The following ADAM12 variants were observed in gnomAD, a reference collection of about 807,000 sequenced individuals.
ADAM12 encodes the protein disintegrin and metalloproteinase domain-containing protein 12.
In ADAM12, 70 loss-of-function variants were observed where a neutral mutation model predicts 106.4. The ratio of observed to expected loss-of-function variants is 0.66; its 90% CI spans 0.54 to 0.80. The LOEUF (loss-of-function observed/expected upper bound fraction) is 0.80, where lower values mean the gene tolerates loss of function less well. Ranked by LOEUF, ADAM12 falls within the 30% of genes least tolerant of loss-of-function variation. ADAM12 has a pLI of 0.00. For synonymous variants in ADAM12, 420 were observed against 433.5 expected (o/e 0.97, Z 0.39); for missense variants, 1,010 against 1,171.9 (o/e 0.86, Z 2.02).
Position 126,168,427 on chromosome 10 carries a change from ACAGGGAC to A in ADAM12, c.261-13129_261-13123del, listed in dbSNP as rs1248122275. Among the ~76,000 whole-genome samples the A allele has an allele frequency of 2.6e-5, 4 of 152,310 alleles. 1 individual carries two copies. The highest frequency in any genetic ancestry group is 7.2e-5 in the African/African-American group (3 of 41,570). ...AAATGAGAATGATAGTGCCTGCCTC[ACAGGGAC>A]ACTATATGGGAAGTTAATATATGCT... On this transcript the variant is annotated intron_variant, in intron 3 of 22. Transcript: ENST00000448723.
intron 20 of ADAM12, 115 bp from the exon 21 acceptor site, chr10:126,036,440 A>G: frequency 9.7e-7 from 1 of 1,030,676 alleles, no homozygotes; most frequent in Non-Finnish European, 1.4e-6. Context: ...GGTGGGGTAA[A>G]GGAAAGAAAT....
At chr10:126,232,291 G>A (rs572247389) in intron 3 of ADAM12, among the ~76,000 whole-genome samples, 4 of 152,032 alleles carry the variant, frequency 2.6e-5, no homozygotes, top group South Asian at 2.1e-4. Flanking sequence ...CTTTGAAAAC[G>A]GAGGATGAGG....
chr10:126,071,718 G>A, intron 11 of ADAM12, 64 bp from the exon 12 acceptor site: 2 of 1,578,412 alleles, frequency 1.3e-6, no homozygotes, highest in South Asian at 1.1e-5. Flanking sequence ...TGCCCTTCTT[G>A]TGCCCACAAG....
At chr10:126,199,987 C>T (rs1903855) in intron 3 of ADAM12, among the ~76,000 whole-genome samples, 150,874 of 152,338 alleles carry the variant, frequency 0.99, 74,712 homozygotes, top group East Asian at 1. Flanking sequence ...CGCACCATGA[C>T]CTATGTATAT....
At chr10:126,229,407 A>G (rs2133866138) in intron 3 of ADAM12, among the ~76,000 whole-genome samples, 2 of 152,244 alleles carry the variant, frequency 1.3e-5, no homozygotes, top group South Asian at 4.1e-4. Context: ...GCATTTGAAG[A>G]CTTTCATTCA....
At chr10:126,133,055 T>A (rs1956336869) in intron 5 of ADAM12, among the ~76,000 whole-genome samples, 1 of 152,124 alleles carries the variant, frequency 6.6e-6, no homozygotes, top group African/African-American at 2.4e-5. Context: ...CCTATCCTGA[T>A]CCAAATCTCT....
At chr10:126,112,263 A>T (rs1318014375) in intron 6 of ADAM12, among the ~76,000 whole-genome samples, 2 of 151,570 alleles carry the variant, frequency 1.3e-5, no homozygotes, top group East Asian at 3.9e-4. Flanking sequence ...AGGATGGGTC[A>T]GTAGGTGCAG....
chr10:126,021,035 T>C (rs1403032403), intron 21 of ADAM12, among the ~76,000 whole-genome samples: 2 of 151,336 alleles, frequency 1.3e-5, no homozygotes, highest in Non-Finnish European at 2.9e-5. Flanking sequence ...ATGCCCCTTT[T>C]TTTCGTGGGG....
intron 3 of ADAM12, among the ~76,000 whole-genome samples, chr10:126,231,529 C>T (rs1263130936): frequency 1.3e-5 from 2 of 152,164 alleles, no homozygotes; most frequent in Admixed American, 6.5e-5. Flanking sequence ...CATGAGTGGT[C>T]GTGATGTGCT....
At position 126,368,356 on chromosome 10, in the gene ADAM12, G is replaced by GTT. The variant is rs34317249; in HGVS notation, c.88+19700_88+19701dup. Among the ~76,000 whole-genome samples, 217 of 118,394 alleles carry GTT rather than the reference G, an allele frequency of 1.8e-3. 1 individual carries two copies. The highest frequency in any genetic ancestry group is 0.017 in the South Asian group (60 of 3,538). 77.7% of individuals were successfully genotyped at this position (118,394 alleles called of 152,430 possible). On this transcript the variant is annotated intron_variant, in intron 1 of 22. Coordinates refer to ENST00000448723, the MANE Select transcript of ADAM12 (RefSeq NM_001288973.2). ...GATCCCAGCTTAGATTGTGTGATTT[G>GTT]TTTTTTTTTTTTTTTTTTTTACAAA...
chr10:126,103,962 T>C (rs1274303726), intron 8 of ADAM12, among the ~76,000 whole-genome samples: 1 of 152,138 alleles, frequency 6.6e-6, no homozygotes, highest in East Asian at 1.9e-4. Flanking sequence ...GTCAGTTCAG[T>C]TAACTCCAAT....
rs1465489877 is a variant in ADAM12, at chr10:126,049,280, A to G, written c.1890T>C (p.Leu630=). ...GDDMPDPGLV[L]AGTKCADGKI... is the part of the protein sequence containing the mutation. ...TTCCATCTGCACACTTTGTGCCTGC[A>G]AGCACAAGCCCTGGGTCCGGCATGT... The change falls in exon 16 of 23, where the codon CTT becomes CTC. Residue 630 remains leucine (L), a synonymous_variant. Coordinates refer to ENST00000448723, the MANE Select transcript of ADAM12 (RefSeq NM_001288973.2). The surrounding 1 kb of genome is among the most constrained non-coding windows in gnomAD (Gnocchi z 4.4). 6.2e-7 allele frequency: 1 copy of G among 1,614,126 alleles called. No individual in the cohort carries two copies. Among genetic ancestry groups the G allele is most frequent in the East Asian group, 2.2e-5 (1 of 44,902 alleles).
At chr10:126,074,718 G>A (rs1025742911) in intron 11 of ADAM12, among the ~76,000 whole-genome samples, 1 of 152,178 alleles carries the variant, frequency 6.6e-6, no homozygotes, top group Non-Finnish European at 1.5e-5. Flanking sequence ...CAATTCACGG[G>A]TTTTCAACCT....
intron 3 of ADAM12, among the ~76,000 whole-genome samples, chr10:126,272,023 T>C (rs1278635069): frequency 1.3e-5 from 2 of 152,208 alleles, no homozygotes; most frequent in Non-Finnish European, 2.9e-5. Flanking sequence ...CTTCCCTCTG[T>C]GTGCACAGCT....
At chr10:126,191,511 G>A (rs1410752005) in intron 3 of ADAM12, among the ~76,000 whole-genome samples, 1 of 151,390 alleles carries the variant, frequency 6.6e-6, no homozygotes, top group Non-Finnish European at 1.5e-5. Context: ...GATGGATTCA[G>A]GATTGATGTG....
At chr10:126,164,678 T>C (rs940118926) in intron 3 of ADAM12, among the ~76,000 whole-genome samples, 2 of 152,134 alleles carry the variant, frequency 1.3e-5, no homozygotes, top group African/African-American at 2.4e-5. Flanking sequence ...TAAATAAATA[T>C]AGAGAAAAGA....
intron 1 of ADAM12, among the ~76,000 whole-genome samples, chr10:126,357,246 T>C (rs1458055291): frequency 1.3e-5 from 2 of 152,012 alleles, no homozygotes; most frequent in Non-Finnish European, 2.9e-5. Flanking sequence ...GAAGTCTCAA[T>C]ATGACTATCA....
At chr10:126,265,670 G>C (rs1959084184) in intron 3 of ADAM12, among the ~76,000 whole-genome samples, 1 of 152,186 alleles carries the variant, frequency 6.6e-6, no homozygotes, top group Non-Finnish European at 1.5e-5. Flanking sequence ...GAACAGGCTA[G>C]ACAGCACCAA....
At chr10:126,371,186 G>A (rs1446511250) in intron 1 of ADAM12, among the ~76,000 whole-genome samples, 1 of 152,256 alleles carries the variant, frequency 6.6e-6, no homozygotes, top group African/African-American at 2.4e-5. Context: ...AGGGCATGGT[G>A]AGAATGTATG....
Sources: allele counts gnomAD v4.1 joint callset (sites outside exome capture counted in the v4.1 genomes callset), GRCh38; gene constraint gnomAD v4.1.1; non-coding constraint Gnocchi (gnomAD v3.1); transcripts MANE v1.5; gene names NCBI Gene and HGNC (gene_info 2026-07-23, HGNC 2026-07-21).